Variants in DIP2C observed in about 807,000 individuals in gnomAD.
The protein encoded by DIP2C is DIP2 acetate--CoA ligase C (putative).
A neutral mutation model predicts 192.4 loss-of-function variants in DIP2C; 33 were observed. The ratio of observed to expected loss-of-function variants is 0.17; its 90% confidence interval spans 0.13 to 0.23. The LOEUF is 0.23. Among genes scored for constraint, DIP2C ranks in the 10% least tolerant of loss-of-function variants. DIP2C has a pLI of 1.00. For missense variants in DIP2C, 1,537 were observed against 2,110.1 expected (o/e 0.73, Z 5.32); for synonymous variants, 979 against 864.1 (o/e 1.13, Z -2.33).
At chr10:428,979 C>T (rs528500260) in intron 4 of DIP2C, among the ~76,000 whole-genome samples, 1 of 152,202 alleles carries the variant, frequency 6.6e-6, no homozygotes, top group African/African-American at 2.4e-5. Context: ...TGCACAGCGT[C>T]CCCTATCATC....
intron 17 of DIP2C, among the ~76,000 whole-genome samples, chr10:379,477 G>A (rs1962124015): frequency 1.3e-5 from 2 of 152,170 alleles, no homozygotes; most frequent in Admixed American, 6.5e-5. Flanking sequence ...TCAGACCTGG[G>A]GCTCTTGAAG....
In DIP2C at chr10:488,975, G is replaced by A. The variant is rs992563782; in HGVS notation, c.86-2445C>T. 7.2e-5 allele frequency among the ~76,000 whole-genome samples: 11 copies of A among 152,188 alleles called. No homozygotes were observed. The East Asian group carries it at 2.1e-3, about 29-fold the overall frequency. ...CTGGCTGGGAGTGCGCTGAAGACCT[G>A]GGCAGACGCGGGGTGATCATTTACC... On this transcript the variant is annotated intron_variant, in intron 1 of 36. Coordinates refer to ENST00000280886, the MANE Select transcript of DIP2C (RefSeq NM_014974.3).
At chr10:482,142 G>A (rs1445015011) in intron 2 of DIP2C, among the ~76,000 whole-genome samples, 3 of 152,214 alleles carry the variant, frequency 2.0e-5, no homozygotes, top group South Asian at 4.1e-4. Flanking sequence ...ACGGCCAAGT[G>A]CACGGCCTGA....
intron 1 of DIP2C, among the ~76,000 whole-genome samples, chr10:678,668 C>A (rs1830968025): frequency 5.5e-5 from 1 of 18,294 alleles, no homozygotes; most frequent in African/African-American, 8.1e-5. Flanking sequence ...TCCCTGTGCC[C>A]AGCTCCCCAC....
chr10:444,663 A>G (rs1206345198), intron 3 of DIP2C, among the ~76,000 whole-genome samples: 1 of 151,972 alleles, frequency 6.6e-6, no homozygotes, highest in Non-Finnish European at 1.5e-5. Flanking sequence ...ACTCGTGTAG[A>G]TTCTCCACCG....
intron 4 of DIP2C, among the ~76,000 whole-genome samples, chr10:425,764 G>C (rs1010829036): frequency 1.3e-5 from 2 of 152,220 alleles, no homozygotes; most frequent in African/African-American, 4.8e-5. Context: ...ACACCATATA[G>C]AATTATGGGA....
chr10:504,978 A>G (rs1169897421), intron 1 of DIP2C, among the ~76,000 whole-genome samples: 2 of 151,962 alleles, frequency 1.3e-5, no homozygotes, highest in Non-Finnish European at 2.9e-5. Context: ...AGGTTCGTTC[A>G]TTCATTCATT....
chr10:519,434 C>A (rs950685646), intron 1 of DIP2C, among the ~76,000 whole-genome samples: 1 of 152,070 alleles, frequency 6.6e-6, no homozygotes, highest in Non-Finnish European at 1.5e-5. Flanking sequence ...CAGCACGTTT[C>A]CTGAGTGCTG....
intron 32 of DIP2C, among the ~76,000 whole-genome samples, chr10:292,483 A>G (rs1007353264): frequency 1.3e-5 from 2 of 152,256 alleles, no homozygotes; most frequent in Admixed American, 6.5e-5. Flanking sequence ...GAGAGTTGAC[A>G]TGAGGGAACT....
chr10:449,781 TTA>T (rs1491244424), intron 3 of DIP2C, among the ~76,000 whole-genome samples: 2 of 128,678 alleles, frequency 1.6e-5, no homozygotes, highest in African/African-American at 5.9e-5. Flanking sequence ...TAAAGTATAA[TTA>T]AAAAAAAAAA....
intron 10 of DIP2C, among the ~76,000 whole-genome samples, chr10:396,832 G>GA (rs1191799781): frequency 1.6e-5 from 1 of 64,234 alleles, no homozygotes; most frequent in African/African-American, 3.7e-5. Context: ...CCGGTGGGGG[G>GA]GGGGGAAACT....
chr10:523,961 C>CA (rs1846894568), intron 1 of DIP2C, among the ~76,000 whole-genome samples: 1 of 152,172 alleles, frequency 6.6e-6, no homozygotes, highest in Non-Finnish European at 1.5e-5. Context: ...AAGGGGATCT[C>CA]AGAGTTTGAT....
At chr10:454,467 T>C (rs1969119722) in intron 3 of DIP2C, among the ~76,000 whole-genome samples, 1 of 152,044 alleles carries the variant, frequency 6.6e-6, no homozygotes, top group Non-Finnish European at 1.5e-5. Context: ...AAATGCACCC[T>C]GTATGCTTGA....
chr10:474,254 C>T (rs150512160), intron 2 of DIP2C, among the ~76,000 whole-genome samples: 112 of 152,322 alleles, frequency 7.4e-4, no homozygotes, highest in African/African-American at 2.5e-3. Flanking sequence ...CCACCCCTTA[C>T]GCCACTGTGG....
chr10:649,193 T>G (rs894702376), intron 1 of DIP2C, among the ~76,000 whole-genome samples: 17 of 144,848 alleles, frequency 1.2e-4, no homozygotes, highest in African/African-American at 4.1e-4. Context: ...CGTCCACATT[T>G]GACGGTGGGA....
At chr10:319,815 G>GT (rs1407478650) in intron 31 of DIP2C, among the ~76,000 whole-genome samples, 1 of 152,090 alleles carries the variant, frequency 6.6e-6, no homozygotes, top group African/African-American at 2.4e-5. Context: ...ATTTTGTTCT[G>GT]TTTTTACCTC....
At position 390,876 on chromosome 10, in the gene DIP2C, C is replaced by A. The variant is rs764413955; in HGVS notation, c.1261-13G>T. ...GGCTCCCTGCGTCCTGAGAGGGCAA[C>A]AGAGAGGAGTTGAGAATCCACGACC... On this transcript the variant is annotated splice_polypyrimidine_tract_variant and intron_variant, in intron 10 of 36. Coordinates refer to ENST00000280886, the MANE Select transcript of DIP2C (RefSeq NM_014974.3). The A allele has an allele frequency of 6.2e-7, 1 of 1,613,460 alleles. No individual in the cohort carries two copies. The highest frequency in any genetic ancestry group is 8.5e-7 in the Non-Finnish European group (1 of 1,179,694).
At chr10:331,537 C>T (rs531239896) in intron 29 of DIP2C, among the ~76,000 whole-genome samples, 6 of 152,304 alleles carry the variant, frequency 3.9e-5, no homozygotes, top group African/African-American at 1.4e-4. Flanking sequence ...TCATTAGTGA[C>T]TAAACAACAT....
intron 1 of DIP2C, chr10:650,520 G>A (rs1855810595): frequency 4.4e-6 from 3 of 683,972 alleles, no homozygotes; most frequent in Non-Finnish European, 8.0e-6. Context: ...CCCTGCCCCA[G>A]CTGGTCCCCC....
Sources: gnomAD v4.1 joint callset for allele counts (sites outside exome capture counted in the v4.1 genomes callset) on GRCh38, gnomAD v4.1.1 for gene constraint, MANE v1.5 for transcripts, NCBI Gene and HGNC (gene_info 2026-07-23, HGNC 2026-07-21) for gene names.